Variants in MIPEP observed in about 807,000 individuals in gnomAD.
MIPEP encodes mitochondrial intermediate peptidase.
Under a neutral mutation model 90.3 loss-of-function variants are expected in MIPEP, and 79 were observed. That is an observed-to-expected ratio of 0.87 (90% CI 0.73 to 1.05). The LOEUF (loss-of-function observed/expected upper bound fraction) is 1.05. MIPEP is among the 50% of genes least tolerant of loss of function. The pLI is 0.00. For synonymous variants in MIPEP, 334 were observed against 315.8 expected, an observed-to-expected ratio of 1.06 and a Z score of -0.61; for missense variants, 940 against 905.6, an observed-to-expected ratio of 1.04 and a Z score of -0.49.
chr13:23,732,139 C>T (rs1006044916), intron 18 of MIPEP, among the ~76,000 whole-genome samples: 12 of 151,782 alleles, frequency 7.9e-5, no homozygotes, highest in African/African-American at 2.4e-4. Context: ...CAGGTGTGTG[C>T]CACCATGCCC....
intron 4 of MIPEP, among the ~76,000 whole-genome samples, chr13:23,878,578 T>C (rs1871159381): frequency 2.0e-5 from 3 of 152,178 alleles, no homozygotes; most frequent in Non-Finnish European, 4.4e-5. Context: ...AAAATTAATC[T>C]GTGTTATGAC....
In MIPEP at chr13:23,756,630, A is replaced by T; in HGVS notation, c.1971-12T>A. 6.2e-7 allele frequency: 1 copy of T among 1,611,248 alleles called. No individual in the cohort carries two copies. ...GCTCCCCGGCAGCCCTGGGGAAGAGAGGTTCTGTTACAGACTCCTGCTTGC... is the reference window on the plus strand; with the variant it reads ...GCTCCCCGGCAGCCCTGGGGAAGAGTGGTTCTGTTACAGACTCCTGCTTGC... On this transcript the variant is annotated splice_polypyrimidine_tract_variant and intron_variant, in intron 17 of 18. Transcript: ENST00000382172.
intron 16 of MIPEP, among the ~76,000 whole-genome samples, chr13:23,791,057 G>A (rs936668281): frequency 6.6e-6 from 1 of 152,180 alleles, no homozygotes; most frequent in African/African-American, 2.4e-5. Flanking sequence ...CAATCCCACT[G>A]GGACCTCACA....
chr13:23,789,086 G>A (rs945070848), intron 16 of MIPEP, among the ~76,000 whole-genome samples: 1 of 152,150 alleles, frequency 6.6e-6, no homozygotes, highest in Non-Finnish European at 1.5e-5. Context: ...GGGATTACAG[G>A]TGTGAGCCAT....
intron 18 of MIPEP, among the ~76,000 whole-genome samples, chr13:23,736,013 TTTTTTA>T (rs1160010041): frequency 6.6e-6 from 1 of 152,250 alleles, no homozygotes; most frequent in East Asian, 1.9e-4. Flanking sequence ...CTTTGGTTTC[TTTTTTA>T]AAGCTGACAA....
At chr13:23,752,317 T>C (rs1952450343) in intron 18 of MIPEP, among the ~76,000 whole-genome samples, 1 of 152,228 alleles carries the variant, frequency 6.6e-6, no homozygotes, top group Admixed American at 6.5e-5. Context: ...ATAGTTTCCA[T>C]TCCTAATATC....
chr13:23,837,629 A>T lies in MIPEP; in HGVS notation c.1466T>A (p.Met489Lys), dbSNP rs1869114010. Residue 489 changes from methionine (M) to lysine (K), a missense_variant, in exon 13 of 19, where the codon ATG becomes AAG. By Grantham distance (95) the Met-to-Lys change is moderately conservative. Transcript: ENST00000382172. ...CATTTCATGGAAAAGATTTTCCATC[A>T]TGCTAGGAGTTAGCAAAGTTGGAGA... ...RSSPTLLTPSMMENLFHEMGH... is the reference protein window; with the variant it reads ...RSSPTLLTPSKMENLFHEMGH... 3 of 1,614,146 alleles carry T rather than the reference A, an allele frequency of 1.9e-6. No individual in the cohort carries two copies. In the African/African-American group the frequency reaches 4.0e-5, roughly 22 times the overall value.
intron 16 of MIPEP, among the ~76,000 whole-genome samples, chr13:23,782,383 A>G (rs1952791347): frequency 2.0e-5 from 3 of 152,268 alleles, no homozygotes; most frequent in Admixed American, 2.0e-4. Context: ...TGAAGGCAGA[A>G]ATAAAGATGT....
At chr13:23,740,431 CAA>C (rs5802249) in intron 18 of MIPEP, among the ~76,000 whole-genome samples, 2 of 135,922 alleles carry the variant, frequency 1.5e-5, no homozygotes, top group Non-Finnish European at 1.6e-5. Flanking sequence ...TCTGTGGCCT[CAA>C]AAAAAAAAAA....
At chr13:23,856,667 T>C (rs188761419) in intron 10 of MIPEP, among the ~76,000 whole-genome samples, 17 of 152,270 alleles carry the variant, frequency 1.1e-4, no homozygotes, top group Admixed American at 1.1e-3. Flanking sequence ...TCCCTTTCCT[T>C]GCCATCTGTT....
chr13:23,853,767 T>A (rs1351153886), intron 10 of MIPEP, among the ~76,000 whole-genome samples: 1 of 151,762 alleles, frequency 6.6e-6, no homozygotes, highest in African/African-American at 2.4e-5. Context: ...AGGGTTTCAC[T>A]ATGTTGGCCA....
At chr13:23,857,949 G>A (rs943060) in intron 10 of MIPEP, among the ~76,000 whole-genome samples, 143,224 of 152,164 alleles carry the variant, frequency 0.94, 67,438 homozygotes, top group East Asian at 1. Context: ...ATAAATACAC[G>A]TATCATCACA....
At chr13:23,856,033 G>C (rs1015819225) in intron 10 of MIPEP, among the ~76,000 whole-genome samples, 1 of 152,170 alleles carries the variant, frequency 6.6e-6, no homozygotes, top group African/African-American at 2.4e-5. Flanking sequence ...TTTGAATAGG[G>C]GCTATGAATT....
At chr13:23,795,453 C>T (rs147502772) in intron 16 of MIPEP, among the ~76,000 whole-genome samples, 4 of 152,190 alleles carry the variant, frequency 2.6e-5, no homozygotes, top group African/African-American at 7.2e-5. Context: ...TAAGGACTCC[C>T]CATATGATCA....
chr13:23,867,259 C>A (rs935836999), intron 7 of MIPEP, among the ~76,000 whole-genome samples: 1 of 152,132 alleles, frequency 6.6e-6, no homozygotes, highest in Non-Finnish European at 1.5e-5. Context: ...GCACACGCTG[C>A]GCTTCAGCCA....
Position 23,834,573 on chromosome 13 carries a change from T to C in MIPEP, c.1653+1667A>G, listed in dbSNP as rs114915868. On this transcript the variant is annotated intron_variant, in intron 14 of 18. Transcript: ENST00000382172. The stretch of plus-strand genomic sequence containing the variant: ...GTAAATATTAAAACTCAGCAAGTGT[T>C]TTCTGACTGAAGGGCCTCTCTGTCC... Among the ~76,000 whole-genome samples the C allele has an allele frequency of 3.9e-3, 599 of 152,348 alleles. 3 individuals carry two copies. Among genetic ancestry groups the C allele is most frequent in the African/African-American group, 0.014 (563 of 41,572 alleles).
At chr13:23,790,656 T>C (rs1952889269) in intron 16 of MIPEP, among the ~76,000 whole-genome samples, 1 of 152,186 alleles carries the variant, frequency 6.6e-6, no homozygotes, top group Non-Finnish European at 1.5e-5. Flanking sequence ...GCACACCATC[T>C]GCCTCATGGA....
intron 14 of MIPEP, among the ~76,000 whole-genome samples, chr13:23,831,752 A>G (rs1868779458): frequency 6.6e-6 from 1 of 152,148 alleles, no homozygotes; most frequent in South Asian, 2.1e-4. Context: ...CACATCTCAA[A>G]TGCACCACCT....
intron 14 of MIPEP, among the ~76,000 whole-genome samples, chr13:23,818,900 C>T (rs1953273906): frequency 6.6e-6 from 1 of 152,166 alleles, no homozygotes; most frequent in Admixed American, 6.5e-5. Context: ...ACCTGAAATT[C>T]CATAATCCGT....
Sources: allele counts gnomAD v4.1 joint callset (sites outside exome capture counted in the v4.1 genomes callset), GRCh38; gene constraint gnomAD v4.1.1; transcripts MANE v1.5; gene names NCBI Gene and HGNC (gene_info 2026-07-23, HGNC 2026-07-21).